Variants in SDHAF3 observed in about 807,000 individuals in gnomAD.
The protein encoded by SDHAF3 is succinate dehydrogenase complex assembly factor 3.
Under a neutral mutation model 11.5 loss-of-function variants are expected in SDHAF3, and 18 were observed. The ratio of observed to expected loss-of-function variants is 1.56; its 90% CI spans 1.08 to 2.32. The LOEUF is 2.32. SDHAF3 is among the 30% of genes most tolerant of loss of function. The pLI is 0.00. For missense variants in SDHAF3, 200 were observed against 154.4 expected, an observed-to-expected ratio of 1.30 and a Z score of -1.57; for synonymous variants, 72 against 59.3, an observed-to-expected ratio of 1.21 and a Z score of -0.99.
intron 1 of SDHAF3, among the ~76,000 whole-genome samples, chr7:97,160,992 T>G (rs1789399641): frequency 6.6e-6 from 1 of 152,222 alleles, no homozygotes; most frequent in Admixed American, 6.5e-5. Flanking sequence ...TAAAATATTT[T>G]TACTTTTACA....
intron 1 of SDHAF3, among the ~76,000 whole-genome samples, chr7:97,154,061 A>G (rs1358089728): frequency 1.3e-5 from 2 of 152,058 alleles, no homozygotes; most frequent in African/African-American, 2.4e-5. Context: ...ATTAGTTCTT[A>G]TAGGTTTTGG....
chr7:97,163,039 G>T (rs562774660), intron 1 of SDHAF3, among the ~76,000 whole-genome samples: 57 of 152,004 alleles, frequency 3.7e-4, no homozygotes, highest in South Asian at 1.0e-3. Context: ...CTCTTTGTAG[G>T]TCTCTTGAGA....
chr7:97,154,904 T>C (rs1172211540), intron 1 of SDHAF3, among the ~76,000 whole-genome samples: 2 of 152,218 alleles, frequency 1.3e-5, no homozygotes, highest in Non-Finnish European at 2.9e-5. Flanking sequence ...CTATTTCTCC[T>C]GCATTTAATT....
chr7:97,121,129 C>T lies in SDHAF3; in HGVS notation c.174+3232C>T, dbSNP rs146410484. On this transcript the variant is annotated intron_variant, in intron 1 of 1. Transcript: ENST00000432641. ...TGTAAAATGTGCATTGTAATCTCAA[C>T]TCTTAGGAGGTAACTATTAGAAGTG... 2.0e-4 allele frequency among the ~76,000 whole-genome samples: 30 copies of T among 152,284 alleles called. No homozygotes were observed. The East Asian group carries it at 5.0e-3, about 25-fold the overall frequency.
Position 97,181,212 on chromosome 7 carries a change from T to TTAGTC in SDHAF3, c.378_*4dup, listed in dbSNP as rs769553858. The stretch of plus-strand genomic sequence containing the variant: ...TTTCTGAGTCTATGAAACCAAAATT[T>TTAGTC]TAGTCTATACAACAAAGCTTAATAA... On this transcript the variant is annotated frameshift_variant and stop_retained_variant, in exon 2 of 2. Transcript: ENST00000432641. LOFTEE classifies it high-confidence loss of function. 1 of 1,611,700 alleles carries TTAGTC rather than the reference T, an allele frequency of 6.2e-7. No homozygotes were observed. The highest frequency in any genetic ancestry group is 8.5e-7 in the Non-Finnish European group (1 of 1,179,120).
intron 1 of SDHAF3, among the ~76,000 whole-genome samples, chr7:97,118,505 G>T (rs1421225942): frequency 6.6e-6 from 1 of 151,322 alleles, no homozygotes; most frequent in Non-Finnish European, 1.5e-5. Flanking sequence ...GCACCATTGC[G>T]CTAAATATTA....
chr7:97,151,166 G>T (rs532667401), intron 1 of SDHAF3, among the ~76,000 whole-genome samples: 1 of 152,130 alleles, frequency 6.6e-6, no homozygotes, highest in African/African-American at 2.4e-5. Flanking sequence ...TGCACACTCC[G>T]AAGTTTCTGT....
At chr7:97,125,806 A>G (rs1584207922) in intron 1 of SDHAF3, among the ~76,000 whole-genome samples, 1 of 152,158 alleles carries the variant, frequency 6.6e-6, no homozygotes, top group Admixed American at 6.5e-5. Context: ...GGAGTTTGTT[A>G]TTACCTACCT....
At chr7:97,166,751 G>A (rs1221943554) in intron 1 of SDHAF3, among the ~76,000 whole-genome samples, 1 of 151,840 alleles carries the variant, frequency 6.6e-6, no homozygotes, top group Admixed American at 6.6e-5. Flanking sequence ...GTTGGCGGGG[G>A]GGGCTTAGAA....
At chr7:97,165,856 A>C (rs1375145410) in intron 1 of SDHAF3, among the ~76,000 whole-genome samples, 1 of 152,194 alleles carries the variant, frequency 6.6e-6, no homozygotes, top group Non-Finnish European at 1.5e-5. Context: ...ATAAATGTGT[A>C]TCAATGCCTG....
chr7:97,135,680 A>ATT (rs1791752195), intron 1 of SDHAF3: 2 of 85,806 alleles, frequency 2.3e-5, no homozygotes, highest in Non-Finnish European at 4.5e-5. Context: ...ATATATATAT[A>ATT]TATTTTTTTT....
At chr7:97,160,938 A>G (rs1241265311) in intron 1 of SDHAF3, among the ~76,000 whole-genome samples, 1 of 152,150 alleles carries the variant, frequency 6.6e-6, no homozygotes. Flanking sequence ...CATCTCTTAA[A>G]AAAAAAAAGT....
At chr7:97,168,820 T>C (rs1180364036) in intron 1 of SDHAF3, among the ~76,000 whole-genome samples, 1 of 152,214 alleles carries the variant, frequency 6.6e-6, no homozygotes, top group Non-Finnish European at 1.5e-5. Flanking sequence ...TATAAATAAA[T>C]ATCCTGTTCA....
At chr7:97,137,296 G>A (rs963500334) in intron 1 of SDHAF3, among the ~76,000 whole-genome samples, 11 of 152,086 alleles carry the variant, frequency 7.2e-5, no homozygotes, top group Non-Finnish European at 1.6e-4. Context: ...GGGAACTCTT[G>A]GAAATTTCCT....
At chr7:97,120,203 C>T (rs1791470230) in intron 1 of SDHAF3, among the ~76,000 whole-genome samples, 1 of 152,102 alleles carries the variant, frequency 6.6e-6, no homozygotes, top group African/African-American at 2.4e-5. Context: ...TTCCTGTCTT[C>T]CCCGACCATT....
At chr7:97,169,086 C>G (rs1260412192) in intron 1 of SDHAF3, among the ~76,000 whole-genome samples, 1 of 152,146 alleles carries the variant, frequency 6.6e-6, no homozygotes, top group African/African-American at 2.4e-5. Context: ...AATCCCAGCA[C>G]TTTGGGAGGC....
At chr7:97,151,751 G>A (rs556788001) in intron 1 of SDHAF3, among the ~76,000 whole-genome samples, 3 of 151,966 alleles carry the variant, frequency 2.0e-5, no homozygotes, top group East Asian at 1.9e-4. Flanking sequence ...TGCCTGCCTC[G>A]GCCTCCCAAA....
At chr7:97,128,603 A>C (rs1195018620) in intron 1 of SDHAF3, among the ~76,000 whole-genome samples, 2 of 152,186 alleles carry the variant, frequency 1.3e-5, no homozygotes, top group African/African-American at 4.8e-5. Flanking sequence ...GTAATGTGCA[A>C]TCTTAAAATT....
At chr7:97,155,831 C>G (rs1326582646) in intron 1 of SDHAF3, among the ~76,000 whole-genome samples, 1 of 151,878 alleles carries the variant, frequency 6.6e-6, no homozygotes, top group African/African-American at 2.4e-5. Context: ...TCTGAACTGT[C>G]TTACAATTAG....
Sources: gnomAD v4.1 joint callset for allele counts (sites outside exome capture counted in the v4.1 genomes callset) on GRCh38, gnomAD v4.1.1 for gene constraint, MANE v1.5 for transcripts, NCBI Gene and HGNC (gene_info 2026-07-23, HGNC 2026-07-21) for gene names.